The following DPYSL2 variants were observed in gnomAD, a reference collection of about 807,000 sequenced individuals.
DPYSL2 encodes dihydropyrimidinase like 2.
DPYSL2 carries 13 observed loss-of-function variants against 69.9 expected under a neutral mutation model. The ratio of observed to expected loss-of-function variants is 0.19; its 90% confidence interval spans 0.12 to 0.30. The LOEUF is 0.30. Ranked by LOEUF, DPYSL2 falls within the 10% of genes least tolerant of loss-of-function variation. The probability of loss-of-function intolerance (pLI) is 1.00; values close to 1 mark genes in which losing one functional copy is unlikely to be tolerated. For missense variants in DPYSL2, 587 were observed against 918.9 expected (o/e 0.64, Z 4.67); for synonymous variants, 326 against 359.1 (o/e 0.91, Z 1.04).
chr8:26,525,436 G>C (rs1468855163), intron 1 of DPYSL2, among the ~76,000 whole-genome samples: 1 of 152,128 alleles, frequency 6.6e-6, no homozygotes, highest in Non-Finnish European at 1.5e-5. Context: ...TGCCCAGGCT[G>C]GTCATGAACT....
At chr8:26,611,016 T>C (rs1802214399) in intron 3 of DPYSL2, among the ~76,000 whole-genome samples, 1 of 152,174 alleles carries the variant, frequency 6.6e-6, no homozygotes, top group Non-Finnish European at 1.5e-5. Flanking sequence ...GTTCATATTT[T>C]TAATCCCTAT....
chr8:26,611,524 G>T (rs1356616775), intron 3 of DPYSL2, among the ~76,000 whole-genome samples: 1 of 152,210 alleles, frequency 6.6e-6, no homozygotes, highest in Non-Finnish European at 1.5e-5. Flanking sequence ...TGGAAGCCAA[G>T]TTCGTGTTTC....
At chr8:26,532,595 A>G (rs1800528662) in intron 1 of DPYSL2, among the ~76,000 whole-genome samples, 1 of 152,154 alleles carries the variant, frequency 6.6e-6, no homozygotes, top group South Asian at 2.1e-4. Flanking sequence ...GCCTATTTTC[A>G]CATTTTATAT....
At chr8:26,553,155 G>A (rs1230569607) in intron 1 of DPYSL2, among the ~76,000 whole-genome samples, 1 of 152,124 alleles carries the variant, frequency 6.6e-6, no homozygotes, top group Non-Finnish European at 1.5e-5. Flanking sequence ...AAATACAATA[G>A]AAAATAACCT....
intron 1 of DPYSL2, among the ~76,000 whole-genome samples, chr8:26,530,742 T>C (rs1486027513): frequency 2.6e-5 from 4 of 152,224 alleles, no homozygotes; most frequent in African/African-American, 9.6e-5. Context: ...GTGCAGAAGA[T>C]TAGGATGAGT....
At position 26,516,308 on chromosome 8, in the gene DPYSL2, G is replaced by A. The variant is rs899607947; in HGVS notation, c.354+1629G>A. Among the ~76,000 whole-genome samples the A allele has an allele frequency of 6.6e-6, 1 of 152,216 alleles. No individual in the cohort carries two copies. Among genetic ancestry groups the A allele is most frequent in the Non-Finnish European group, 1.5e-5 (1 of 68,046 alleles). ...TATACTGAAAGCTGAGTGAGTGTGTGTGAAACACTTCCCTGTGTGAGTACA... is the reference window on the plus strand; with the variant it reads ...TATACTGAAAGCTGAGTGAGTGTGTATGAAACACTTCCCTGTGTGAGTACA... On this transcript the variant is annotated intron_variant, in intron 1 of 13. Coordinates refer to ENST00000521913, the MANE Select transcript of DPYSL2 (RefSeq NM_001197293.3). The surrounding 1 kb of genome is among the most constrained non-coding windows in gnomAD (Gnocchi z 4.8).
intron 1 of DPYSL2, among the ~76,000 whole-genome samples, chr8:26,527,748 A>G (rs1370719378): frequency 6.6e-6 from 1 of 152,058 alleles, no homozygotes; most frequent in East Asian, 1.9e-4. Flanking sequence ...AATTAAAAAA[A>G]TATGTATAAT....
chr8:26,583,730 A>G, intron 2 of DPYSL2, 69 bp from the exon 3 acceptor site: 5 of 1,419,020 alleles, frequency 3.5e-6, no homozygotes, highest in Non-Finnish European at 4.8e-6. Context: ...GGTTAGTGAA[A>G]GTAGCTGTCA....
Position 26,598,287 on chromosome 8 carries a change from GT to G in DPYSL2, c.628+14306del, listed in dbSNP as rs1239268746. The stretch of plus-strand genomic sequence containing the variant: ...CATTACATCATCTACCTTTTCTTGT[GT>G]TCTTCTGTCGTCGAGAATCAATTAA... On this transcript the variant is annotated intron_variant, in intron 3 of 13. Coordinates refer to ENST00000521913, the MANE Select transcript of DPYSL2 (RefSeq NM_001197293.3). The surrounding 1 kb of genome is among the most constrained non-coding windows in gnomAD (Gnocchi z 4.2). 6.6e-6 allele frequency among the ~76,000 whole-genome samples: 1 copy of G among 152,174 alleles called. No homozygotes were observed. Among genetic ancestry groups the G allele is most frequent in the East Asian group, 1.9e-4 (1 of 5,194 alleles).
chr8:26,623,306 CT>C (rs1802539930), intron 3 of DPYSL2, among the ~76,000 whole-genome samples: 1 of 152,194 alleles, frequency 6.6e-6, no homozygotes, highest in Non-Finnish European at 1.5e-5. Flanking sequence ...GGACTTGAAT[CT>C]TTATCTGAAG....
At chr8:26,561,312 G>A (rs1257924211) in intron 1 of DPYSL2, among the ~76,000 whole-genome samples, 1 of 152,054 alleles carries the variant, frequency 6.6e-6, no homozygotes, top group African/African-American at 2.4e-5. Context: ...TGAATCAGAG[G>A]TATCAGGACT....
chr8:26,622,771 C>T (rs892325250), intron 3 of DPYSL2, among the ~76,000 whole-genome samples: 5 of 152,112 alleles, frequency 3.3e-5, no homozygotes, highest in African/African-American at 9.7e-5. Context: ...CAAAGTGCAA[C>T]GGCTATATTT....
rs754236747 is a variant in DPYSL2 at position 26,653,214 on chromosome 8, G to C, written c.1777-18G>C. ...CTGTGGCTGTGGCCTGAGCTGGGGG[G>C]ACTCTTGTGTTTTGCAGCTGGCTGA... is the stretch of plus-strand genomic sequence containing the variant. On this transcript the variant is annotated intron_variant, in intron 12 of 13. Coordinates refer to ENST00000521913, the MANE Select transcript of DPYSL2 (RefSeq NM_001197293.3). This position sits in a 1 kb window ranked among gnomAD's most constrained non-coding sequence, Gnocchi z 5.7. The C allele has an allele frequency of 1.2e-5, 20 of 1,611,780 alleles. No homozygotes were observed. The highest frequency in any genetic ancestry group is 1.6e-5 in the Non-Finnish European group (19 of 1,178,690).
At chr8:26,524,784 A>G (rs918095091) in intron 1 of DPYSL2, among the ~76,000 whole-genome samples, 5 of 126,908 alleles carry the variant, frequency 3.9e-5, no homozygotes, top group Admixed American at 2.0e-4. Flanking sequence ...CCTGAAGGAC[A>G]GAGAGAGACT....
intron 1 of DPYSL2, among the ~76,000 whole-genome samples, chr8:26,576,791 C>A (rs1199721565): frequency 6.6e-6 from 1 of 152,250 alleles, no homozygotes; most frequent in African/African-American, 2.4e-5. Flanking sequence ...CACAGCTCAT[C>A]TCCTCCTCTC....
rs1319533268 is a variant in DPYSL2 at position 26,617,159 on chromosome 8, C to G, written c.629-6984C>G. Among the ~76,000 whole-genome samples, 2 of 152,270 alleles carry G rather than the reference C, an allele frequency of 1.3e-5. No homozygotes were observed. The highest frequency in any genetic ancestry group is 1.9e-4 in the East Asian group (1 of 5,184). ...GTTCTCTATCAGTGTCGCTCCCTGG[C>G]TGTAATATTGTACTATAATTAGGCA... On this transcript the variant is annotated intron_variant, in intron 3 of 13. Transcript: ENST00000521913. The surrounding 1 kb of genome is among the most constrained non-coding windows in gnomAD (Gnocchi z 4.7).
rs1803423288 is a variant in DPYSL2 at position 26,657,646 on chromosome 8, A to G, written c.*1940A>G. The stretch of plus-strand genomic sequence containing the variant: ...TCACCTGCACTTAGAGGAAATTTGA[A>G]CAAGTTGGAAAAAAACAATTTTTGT... On this transcript the variant is annotated 3_prime_UTR_variant, in exon 14 of 14. Coordinates refer to ENST00000521913, the MANE Select transcript of DPYSL2 (RefSeq NM_001197293.3). 6.6e-6 allele frequency: 1 copy of G among 152,642 alleles called. No individual in the cohort carries two copies. The highest frequency in any genetic ancestry group is 2.4e-5 in the African/African-American group (1 of 41,454). The allele number at this position is 152,642 out of a possible 1,614,324, so 9.5% of individuals were successfully genotyped here.
intron 1 of DPYSL2, among the ~76,000 whole-genome samples, chr8:26,538,143 G>T (rs758017250): frequency 6.6e-6 from 1 of 152,170 alleles, no homozygotes; most frequent in Non-Finnish European, 1.5e-5. Flanking sequence ...ACTTGATAAA[G>T]GAGGTAGCTG....
At chr8:26,638,238 G>A (rs550485559) in intron 8 of DPYSL2, among the ~76,000 whole-genome samples, 10 of 152,304 alleles carry the variant, frequency 6.6e-5, no homozygotes, top group Admixed American at 1.3e-4. Flanking sequence ...GGAGGTAGTC[G>A]GGGCTACAAA....
Sources: gnomAD v4.1 joint callset for allele counts (sites outside exome capture counted in the v4.1 genomes callset) on GRCh38, gnomAD v4.1.1 for gene constraint, Gnocchi (gnomAD v3.1) non-coding constraint, MANE v1.5 for transcripts, NCBI Gene and HGNC (gene_info 2026-07-23, HGNC 2026-07-21) for gene names.